CLASP1: variants seen among roughly 807,000 people sequenced by gnomAD.
CLASP1 encodes the protein CLIP-associating protein 1.
In CLASP1, 38 loss-of-function variants were observed where a neutral mutation model predicts 192.3. The observed-to-expected ratio is 0.20, with a 90% CI of 0.15 to 0.26. CLASP1 has a LOEUF of 0.26. Among genes scored for constraint, CLASP1 ranks in the 10% least tolerant of loss-of-function variants. CLASP1 has a pLI of 1.00. For synonymous variants in CLASP1, 691 were observed against 712.8 expected (o/e 0.97, Z 0.49); for missense variants, 1,433 against 1,932.5 (o/e 0.74, Z 4.85).
intron 1 of CLASP1, among the ~76,000 whole-genome samples, chr2:121,614,187 G>A (rs1035371975): frequency 6.6e-6 from 1 of 152,182 alleles, no homozygotes; most frequent in African/African-American, 2.4e-5. Context: ...CAAGTCACAA[G>A]GCCAGTCCGC....
At chr2:121,574,387 C>T (rs987270885) in intron 2 of CLASP1, among the ~76,000 whole-genome samples, 7 of 150,920 alleles carry the variant, frequency 4.6e-5, no homozygotes, top group African/African-American at 1.7e-4. Flanking sequence ...GTAATCCTAG[C>T]ACTTTGGGAG....
At chr2:121,367,627 C>G (rs1558899911) in exon 35 of CLASP1, 1 of 1,614,062 alleles carries the variant, frequency 6.2e-7, no homozygotes, top group South Asian at 1.1e-5. Flanking sequence ...AACACAGCCT[C>G]TTTCAGGGCG....
chr2:121,601,914 A>C (rs113517928), intron 2 of CLASP1, among the ~76,000 whole-genome samples: 35,004 of 151,938 alleles, frequency 0.23, 6,040 homozygotes, highest in African/African-American at 0.48. Flanking sequence ...GTGGCTCACG[A>C]CTGTAATCCC....
exon 38 of CLASP1, chr2:121,348,700 C>T: frequency 6.2e-7 from 1 of 1,609,524 alleles, no homozygotes; most frequent in Admixed American, 1.7e-5. Context: ...GACGCAGCCT[C>T]CTCAGCCGCT....
chr2:121,543,875 A>G (rs148995525), intron 2 of CLASP1, among the ~76,000 whole-genome samples: 171 of 152,312 alleles, frequency 1.1e-3, no homozygotes, highest in African/African-American at 4.0e-3. Flanking sequence ...GTGGATAGGA[A>G]ATCATGGGGC....
intron 2 of CLASP1, among the ~76,000 whole-genome samples, chr2:121,593,642 A>AAAAG (rs2105780154): frequency 6.6e-6 from 1 of 150,972 alleles, no homozygotes; most frequent in African/African-American, 2.4e-5. Flanking sequence ...AAAAAAAAAA[A>AAAAG]AAAGGAAACT....
chr2:121,424,582 A>C (rs1297230207), intron 22 of CLASP1, among the ~76,000 whole-genome samples: 1 of 152,238 alleles, frequency 6.6e-6, no homozygotes, highest in East Asian at 1.9e-4. Context: ...ATGATTCTAC[A>C]CACTATTACA....
intron 24 of CLASP1, chr2:121,409,088 GA>G (rs1468478809): frequency 6.6e-7 from 1 of 1,517,632 alleles, no homozygotes; most frequent in African/African-American, 1.4e-5. Context: ...AAAAAGCATA[GA>G]GAATTATGTC....
At chr2:121,413,026 G>A (rs1387814109) in intron 23 of CLASP1, among the ~76,000 whole-genome samples, 1 of 152,198 alleles carries the variant, frequency 6.6e-6, no homozygotes, top group East Asian at 1.9e-4. Context: ...GGGAGGCCAA[G>A]GTGGGTAAAT....
intron 25 of CLASP1, among the ~76,000 whole-genome samples, chr2:121,405,742 G>A (rs1470306616): frequency 1.3e-5 from 2 of 152,222 alleles, no homozygotes; most frequent in Non-Finnish European, 2.9e-5. Flanking sequence ...ACAGATTCTT[G>A]AGGAACAATC....
chr2:121,566,274 C>T (rs1398739877), intron 2 of CLASP1, among the ~76,000 whole-genome samples: 2 of 152,128 alleles, frequency 1.3e-5, no homozygotes, highest in African/African-American at 2.4e-5. Context: ...TCTTGGACCC[C>T]GTTATCAGAT....
intron 9 of CLASP1, among the ~76,000 whole-genome samples, chr2:121,466,318 T>A (rs1227496351): frequency 1.3e-5 from 2 of 152,156 alleles, no homozygotes; most frequent in Non-Finnish European, 2.9e-5. Context: ...ACAATTAACA[T>A]TCCTACAGCT....
intron 1 of CLASP1, among the ~76,000 whole-genome samples, chr2:121,623,233 T>C (rs2067692519): frequency 6.6e-6 from 1 of 152,212 alleles, no homozygotes; most frequent in African/African-American, 2.4e-5. Flanking sequence ...TTGTTGAATG[T>C]TTTTTATCAT....
At chr2:121,341,730 C>T (rs941187089) in intron 39 of CLASP1, among the ~76,000 whole-genome samples, 1 of 152,150 alleles carries the variant, frequency 6.6e-6, no homozygotes, top group Non-Finnish European at 1.5e-5. Context: ...AAGAACCAGA[C>T]AGATGATAAG....
chr2:121,531,018 GTTT>G lies in CLASP1; in HGVS notation c.196-696_196-694del, dbSNP rs1559535791. 3 of 700,124 alleles carry G rather than the reference GTTT, an allele frequency of 4.3e-6. No homozygotes were observed. The Admixed American group carries it at 6.0e-5, about 14-fold the overall frequency. 43.4% of individuals were successfully genotyped at this position (700,124 alleles called of 1,614,324 possible). On this transcript the variant is annotated intron_variant, in intron 2 of 39. Coordinates refer to ENST00000263710, the Ensembl canonical transcript of CLASP1. Reference sequence around the variant, plus strand: ...GCAATTTTTGGAAAAATGAAAACCTGTTTTCATAGACTTATCAGTTCAAACAGC... The same window carrying G: ...GCAATTTTTGGAAAAATGAAAACCTGTCATAGACTTATCAGTTCAAACAGC...
At position 121,349,043 on chromosome 2, in the gene CLASP1, A is replaced by C. The variant is rs868748725; in HGVS notation, c.4207-325T>G. On this transcript the variant is annotated intron_variant, in intron 37 of 39. Transcript: ENST00000263710. ...ATCACGAGGTCAGGAGATCGAGACCATCCTGGCTATCACGGTGAGAACCCA... is the reference window on the plus strand; with the variant it reads ...ATCACGAGGTCAGGAGATCGAGACCCTCCTGGCTATCACGGTGAGAACCCA... Among the ~76,000 whole-genome samples the C allele has an allele frequency of 7.2e-5, 11 of 152,224 alleles. 1 individual carries two copies. Among genetic ancestry groups the C allele is most frequent in the Non-Finnish European group, 8.8e-5 (6 of 68,010 alleles).
intron 2 of CLASP1, among the ~76,000 whole-genome samples, chr2:121,601,272 A>AT (rs1049615967): frequency 0.027 from 3,692 of 138,418 alleles, 111 homozygotes; most frequent in African/African-American, 0.069. Context: ...AGCGTTCAGC[A>AT]TTTTTTTTTT....
chr2:121,470,364 C>T, intron 8 of CLASP1: 1 of 457,906 alleles, frequency 2.2e-6, no homozygotes. Context: ...TCCTTGGCCT[C>T]TCAAGGTGCT....
At chr2:121,518,969 G>A (rs966240395) in intron 6 of CLASP1, among the ~76,000 whole-genome samples, 1 of 152,220 alleles carries the variant, frequency 6.6e-6, no homozygotes, top group Non-Finnish European at 1.5e-5. Context: ...CCATTGCTTA[G>A]TTTCTAGGGA....
Sources: gnomAD v4.1 joint callset for allele counts (sites outside exome capture counted in the v4.1 genomes callset) on GRCh38, gnomAD v4.1.1 for gene constraint, MANE v1.5 for transcripts, NCBI Gene and HGNC (gene_info 2026-07-23, HGNC 2026-07-21) for gene names.